Variants in GRHL3 observed in about 807,000 individuals in gnomAD.
The protein encoded by GRHL3 is grainyhead-like protein 3 homolog.
Under a neutral mutation model 70.3 loss-of-function variants are expected in GRHL3, and 20 were observed. The ratio of observed to expected loss-of-function variants is 0.28; its 90% CI spans 0.20 to 0.41. The LOEUF is 0.41. Among genes scored for constraint, GRHL3 ranks in the 10% least tolerant of loss-of-function variants. The pLI is 1.00. For missense variants in GRHL3, 637 were observed against 762.3 expected (o/e 0.84, Z 1.94); for synonymous variants, 299 against 299.9 (o/e 1.00, Z 0.03).
chr1:24,341,021 C>T (rs1640014918), intron 8 of GRHL3, among the ~76,000 whole-genome samples: 1 of 152,066 alleles, frequency 6.6e-6, no homozygotes, highest in Non-Finnish European at 1.5e-5. Flanking sequence ...TCTGCACAGC[C>T]AGGGAAAGAA....
intron 15 of GRHL3, among the ~76,000 whole-genome samples, chr1:24,361,533 A>G (rs1486358381): frequency 4.6e-5 from 7 of 152,100 alleles, no homozygotes; most frequent in Non-Finnish European, 1.5e-5. Flanking sequence ...GAAGCATCCC[A>G]CATTCCACAG....
chr1:24,338,227 C>T, intron 7 of GRHL3, 124 bp downstream of exon 7: 1 of 621,196 alleles, frequency 1.6e-6, no homozygotes, highest in Non-Finnish European at 2.7e-6. Context: ...CCAGGTCAAA[C>T]ACCGTGGGGT....
rs1639724335 is a variant in GRHL3 at position 24,334,579 on chromosome 1, AG to A, written c.205-62del. 3.1e-6 allele frequency: 4 copies of A among 1,308,466 alleles called. No homozygotes were observed. Among genetic ancestry groups the A allele is most frequent in the Non-Finnish European group, 4.4e-6 (4 of 909,674 alleles). 81.1% of individuals were successfully genotyped at this position (1,308,466 alleles called of 1,614,324 possible). A position where few individuals can be genotyped will look rare whatever the true frequency, so the allele number is the denominator to read the frequency against. On this transcript the variant is annotated intron_variant, in intron 2 of 15. Transcript: ENST00000361548. The surrounding 1 kb of genome is among the most constrained non-coding windows in gnomAD (Gnocchi z 4.3). ...TCCCCTGCCTGGCCAAAGCTGCAGG[AG>A]GGGATTGAGGCTCCTACCAGCAGAA...
intron 13 of GRHL3, among the ~76,000 whole-genome samples, chr1:24,346,924 C>T (rs1353094287): frequency 1.3e-5 from 2 of 152,144 alleles, no homozygotes; most frequent in South Asian, 4.1e-4. Context: ...AGTCCCCCCT[C>T]TCCCACTTTT....
At chr1:24,361,608 C>T (rs1468806027) in intron 15 of GRHL3, among the ~76,000 whole-genome samples, 3 of 152,146 alleles carry the variant, frequency 2.0e-5, no homozygotes, top group African/African-American at 7.2e-5. Context: ...CAGAATCCTA[C>T]TAAATATCAT....
chr1:24,334,340 C>A lies in GRHL3; in HGVS notation c.205-305C>A, dbSNP rs1639716947. ...AAGGGGAAGCAAACACATCCTTCTT[C>A]ACATGGCGGCAGCAAGGAAAAGTCC... On this transcript the variant is annotated intron_variant, in intron 2 of 15. Coordinates refer to ENST00000361548, the MANE Select transcript of GRHL3 (RefSeq NM_198173.3). This position sits in a 1 kb window ranked among gnomAD's most constrained non-coding sequence, Gnocchi z 4.3. Among the ~76,000 whole-genome samples, 2 of 152,144 alleles carry A rather than the reference C, an allele frequency of 1.3e-5. No homozygotes were observed. The highest frequency in any genetic ancestry group is 4.1e-4 in the South Asian group (2 of 4,830).
intron 15 of GRHL3, among the ~76,000 whole-genome samples, chr1:24,363,347 T>C (rs1641245808): frequency 6.6e-6 from 1 of 152,218 alleles, no homozygotes; most frequent in Admixed American, 6.5e-5. Flanking sequence ...TGTGGGATTC[T>C]GGGCCAGGCA....
At chr1:24,360,843 C>A in intron 15 of GRHL3, 1 of 1,604,366 alleles carries the variant, frequency 6.2e-7, no homozygotes, top group South Asian at 1.1e-5. Context: ...TTAAAACAAT[C>A]CTCTGACCTG....
rs369646688 is a variant in GRHL3, at chr1:24,347,508, C to T, written c.1584C>T (p.Asp528=). The change falls in exon 14 of 16, where the codon GAC becomes GAT. Residue 528 remains aspartate (D), a synonymous_variant. Coordinates refer to ENST00000361548, the MANE Select transcript of GRHL3 (RefSeq NM_198173.3). ...GGAGGGAGACTGAGGAGGTGTTTGACGCGCTCATGTTGAAGACCCCAGACC... is the reference window on the plus strand; with the variant it reads ...GGAGGGAGACTGAGGAGGTGTTTGATGCGCTCATGTTGAAGACCCCAGACC... ...YVRRETEEVF[D]ALMLKTPDLK... is the part of the protein sequence containing the mutation. The T allele has an allele frequency of 4.0e-5, 65 of 1,614,186 alleles. 1 individual carries two copies. The East Asian group carries it at 6.5e-4, about 16-fold the overall frequency.
chr1:24,323,076 G>T (rs1395358495), intron 1 of GRHL3: 6 of 1,549,368 alleles, frequency 3.9e-6, no homozygotes, highest in Middle Eastern at 1.7e-4. Context: ...GGTTATTTCT[G>T]AGCAGAAGAA....
At chr1:24,358,489 C>T (rs757560497), downstream of GRHL3, 62 of 1,445,366 alleles carry the variant, frequency 4.3e-5, no homozygotes, top group Admixed American at 8.4e-5. Flanking sequence ...GTCCTGGGGA[C>T]GCTGGGCAGG....
intron 15 of GRHL3, among the ~76,000 whole-genome samples, chr1:24,351,141 C>T (rs569740867): frequency 3.9e-5 from 6 of 152,230 alleles, no homozygotes; most frequent in East Asian, 1.9e-4. Flanking sequence ...TAGTCTAACT[C>T]GAGCGACATT....
In GRHL3 at chr1:24,322,891, T is replaced by C. The variant is rs769137773; in HGVS notation, c.17+3323T>C. 3 of 583,506 alleles carry C rather than the reference T, an allele frequency of 5.1e-6. No individual in the cohort carries two copies. Among genetic ancestry groups the C allele is most frequent in the Non-Finnish European group, 9.2e-6 (3 of 327,144 alleles). 36.1% of individuals were successfully genotyped at this position (583,506 alleles called of 1,614,324 possible). A position where few individuals can be genotyped will look rare whatever the true frequency, so the allele number is the denominator to read the frequency against. Reference sequence around the variant, plus strand: ...CCAACAAACTAATGCGGGATGGGAGTGTAAATGCAGTTTTGCCGAAGAGGG... The same window carrying C: ...CCAACAAACTAATGCGGGATGGGAGCGTAAATGCAGTTTTGCCGAAGAGGG... On this transcript the variant is annotated intron_variant, in intron 1 of 15. Coordinates refer to ENST00000361548, the MANE Select transcript of GRHL3 (RefSeq NM_198173.3). The surrounding 1 kb of genome is among the most constrained non-coding windows in gnomAD (Gnocchi z 4.4).
At position 24,322,141 on chromosome 1, in the gene GRHL3, G is replaced by A. The variant is rs1639214979; in HGVS notation, c.17+2573G>A. Among the ~76,000 whole-genome samples, 1 of 152,162 alleles carries A rather than the reference G, an allele frequency of 6.6e-6. No homozygotes were observed. Among genetic ancestry groups the A allele is most frequent in the Admixed American group, 6.5e-5 (1 of 15,288 alleles). On this transcript the variant is annotated intron_variant, in intron 1 of 15. Transcript: ENST00000361548. This position sits in a 1 kb window ranked among gnomAD's most constrained non-coding sequence, Gnocchi z 4.4. The stretch of plus-strand genomic sequence containing the variant: ...AGGCCCCGTTGACAGCCCAGGAAGG[G>A]AGAGTTTCGCCGCAAAGGGGCTTGG...
downstream of GRHL3, chr1:24,358,685 T>C: frequency 7.6e-7 from 1 of 1,309,646 alleles, no homozygotes; most frequent in African/African-American, 1.5e-5. Flanking sequence ...TCTCTGGCAT[T>C]CTACCTCAGA....
chr1:24,364,189 A>T, exon 16 of GRHL3: 2 of 1,488,922 alleles, frequency 1.3e-6, no homozygotes, highest in Non-Finnish European at 1.8e-6. Flanking sequence ...TTCCAGGGAA[A>T]CTTCTCTCCT....
At chr1:24,360,987 T>C in intron 15 of GRHL3, 1 of 1,613,588 alleles carries the variant, frequency 6.2e-7, no homozygotes, top group Non-Finnish European at 8.5e-7. Flanking sequence ...CTGGGAAAGG[T>C]GGCTTCGGAG....
chr1:24,363,436 C>A (rs1358433969), intron 15 of GRHL3, among the ~76,000 whole-genome samples: 1 of 152,202 alleles, frequency 6.6e-6, no homozygotes. Context: ...CTGCCAGCAA[C>A]AGCCATGACT....
intron 11 of GRHL3, among the ~76,000 whole-genome samples, chr1:24,343,679 A>G (rs1248673613): frequency 1.3e-5 from 2 of 151,724 alleles, no homozygotes; most frequent in African/African-American, 4.8e-5. Context: ...TTTTCCAGGC[A>G]CGGTCCCACA....
Sources: allele counts gnomAD v4.1 joint callset (sites outside exome capture counted in the v4.1 genomes callset), GRCh38; gene constraint gnomAD v4.1.1; non-coding constraint Gnocchi (gnomAD v3.1); transcripts MANE v1.5; gene names NCBI Gene and HGNC (gene_info 2026-07-23, HGNC 2026-07-21).